TOP1: variants seen among roughly 807,000 people sequenced by gnomAD.
The protein encoded by TOP1 is DNA topoisomerase I.
In TOP1, 10 loss-of-function variants were observed where a neutral mutation model predicts 111.1. The observed-to-expected ratio is 0.09, with a 90% CI of 0.06 to 0.15. The LOEUF (loss-of-function observed/expected upper bound fraction) is 0.15. Ranked by LOEUF, TOP1 falls within the 10% of genes least tolerant of loss-of-function variation. TOP1 has a pLI of 1.00. For missense variants in TOP1, 474 were observed against 926.7 expected (o/e 0.51, Z 6.34); for synonymous variants, 271 against 302.9 (o/e 0.89, Z 1.10).
intron 8 of TOP1, among the ~76,000 whole-genome samples, chr20:41,090,435 T>A (rs1006382366): frequency 6.6e-6 from 1 of 152,220 alleles, no homozygotes; most frequent in African/African-American, 2.4e-5. Flanking sequence ...TTTCTCCTAT[T>A]CTGTGAGTTG....
At chr20:41,053,512 T>C (rs1297450936) in intron 2 of TOP1, among the ~76,000 whole-genome samples, 2 of 152,200 alleles carry the variant, frequency 1.3e-5, no homozygotes, top group African/African-American at 4.8e-5. Flanking sequence ...CTTACTGCGC[T>C]TACTGAAAAA....
At position 41,118,738 on chromosome 20, in the gene TOP1, T is replaced by C. The variant is rs1183095842; in HGVS notation, c.1950+442T>C. On this transcript the variant is annotated intron_variant, in intron 18 of 20. Coordinates refer to ENST00000361337, the MANE Select transcript of TOP1 (RefSeq NM_003286.4). This position sits in a 1 kb window ranked among gnomAD's most constrained non-coding sequence, Gnocchi z 4.6. Reference sequence around the variant, plus strand: ...AGTCTTTCAAATCCTAGCATAGCTATTTTTATTTTTACGCATTCCACATGA... The same window carrying C: ...AGTCTTTCAAATCCTAGCATAGCTACTTTTATTTTTACGCATTCCACATGA... 1.3e-5 allele frequency among the ~76,000 whole-genome samples: 2 copies of C among 152,234 alleles called. No individual in the cohort carries two copies. Among genetic ancestry groups the C allele is most frequent in the African/African-American group, 4.8e-5 (2 of 41,458 alleles).
In TOP1 at chr20:41,100,232, C is replaced by A; in HGVS notation, c.1152C>A (p.Ile384=). Residue 384 remains isoleucine, a synonymous_variant, in exon 12 of 21, where the codon ATC becomes ATA. Transcript: ENST00000361337. The surrounding 1 kb of genome is among the most constrained non-coding windows in gnomAD (Gnocchi z 4.4). The stretch of plus-strand genomic sequence containing the variant: ...GAATCATGCCCGAGGATATAATCAT[C>A]AACTGTAGCAAGTGAGCTCGCACTT... ...KRRIMPEDII[I]NCSKDAKVPS... The A allele has an allele frequency of 6.2e-7, 1 of 1,613,126 alleles. No homozygotes were observed.
At chr20:41,068,551 C>T (rs567466837) in intron 3 of TOP1, among the ~76,000 whole-genome samples, 1 of 152,130 alleles carries the variant, frequency 6.6e-6, no homozygotes, top group Non-Finnish European at 1.5e-5. Flanking sequence ...TAGGCATGCA[C>T]CACCATGCTT....
rs529429378 is a variant in TOP1 at position 41,073,550 on chromosome 20, T to C, written c.156-2621T>C. 1.5e-5 allele frequency: 13 copies of C among 859,950 alleles called. No individual in the cohort carries two copies. In the African/African-American group the frequency reaches 2.0e-4, roughly 13 times the overall value. The allele number at this position is 859,950 out of a possible 1,614,324, so 53.3% of individuals were successfully genotyped here. The stretch of plus-strand genomic sequence containing the variant: ...CACCATGGCTGTTTCTTAACACCAG[T>C]ATACCTTAAGCAGTAGGTATCAATT... On this transcript the variant is annotated intron_variant, in intron 3 of 20. Coordinates refer to ENST00000361337, the MANE Select transcript of TOP1 (RefSeq NM_003286.4).
chr20:41,079,927 T>C lies in TOP1; in HGVS notation c.336-158T>C, dbSNP rs1000236391. On this transcript the variant is annotated intron_variant, in intron 5 of 20. Coordinates refer to ENST00000361337, the MANE Select transcript of TOP1 (RefSeq NM_003286.4). This position sits in a 1 kb window ranked among gnomAD's most constrained non-coding sequence, Gnocchi z 4.0. ...GACAAATACTATCTACTTCACAGGA[T>C]TGAAGTGAGAAAAAGTGCTCACAGA... Among the ~76,000 whole-genome samples, 4 of 152,230 alleles carry C rather than the reference T, an allele frequency of 2.6e-5. No homozygotes were observed. The highest frequency in any genetic ancestry group is 9.6e-5 in the African/African-American group (4 of 41,454).
At chr20:41,072,529 C>A in intron 3 of TOP1, 1 of 985,450 alleles carries the variant, frequency 1.0e-6, no homozygotes, top group Non-Finnish European at 1.2e-6. Context: ...ACTTTCCTGG[C>A]ACAGCCCTGG....
chr20:41,033,602 T>C (rs770735363), intron 2 of TOP1, among the ~76,000 whole-genome samples: 8 of 152,198 alleles, frequency 5.3e-5, no homozygotes, highest in Non-Finnish European at 1.2e-4. Flanking sequence ...ATTAATTATA[T>C]AGTAACAGTT....
chr20:41,043,837 C>T (rs2033298706), intron 2 of TOP1, among the ~76,000 whole-genome samples: 1 of 152,170 alleles, frequency 6.6e-6, no homozygotes, highest in Non-Finnish European at 1.5e-5. Flanking sequence ...ATGGGCCTGC[C>T]CTAATTGAGC....
rs966801982 is a variant in TOP1, at chr20:41,067,935, T to G, written c.155+6445T>G. On this transcript the variant is annotated intron_variant, in intron 3 of 20. Transcript: ENST00000361337. The surrounding 1 kb of genome is among the most constrained non-coding windows in gnomAD (Gnocchi z 4.0). ...GTATTAAGAATCATTTCATCTTGTC[T>G]TCTCTTTGTGTGGACAGGAGTCTGA... is the stretch of plus-strand genomic sequence containing the variant. Among the ~76,000 whole-genome samples, 6 of 152,248 alleles carry G rather than the reference T, an allele frequency of 3.9e-5. No individual in the cohort carries two copies. Among genetic ancestry groups the G allele is most frequent in the African/African-American group, 1.4e-4 (6 of 41,462 alleles).
chr20:41,059,409 A>AAAAT (rs55866021), intron 2 of TOP1, among the ~76,000 whole-genome samples: 30,430 of 137,846 alleles, frequency 0.22, 3,565 homozygotes, highest in African/African-American at 0.24. Flanking sequence ...AAACTGCTAG[A>AAAAT]AAATAAATAA....
intron 2 of TOP1, among the ~76,000 whole-genome samples, chr20:41,031,757 T>C (rs551841524): frequency 6.6e-6 from 1 of 152,206 alleles, no homozygotes; most frequent in East Asian, 1.9e-4. Flanking sequence ...TCCCATGAGC[T>C]GAGCCACTAT....
In TOP1 at chr20:41,109,638, TA is replaced by T. The variant is rs2034202964; in HGVS notation, c.1309-3139del. Among the ~76,000 whole-genome samples, 1 of 152,046 alleles carries T rather than the reference TA, an allele frequency of 6.6e-6. No individual in the cohort carries two copies. The highest frequency in any genetic ancestry group is 1.5e-5 in the Non-Finnish European group (1 of 67,978). On this transcript the variant is annotated intron_variant, in intron 13 of 20. Transcript: ENST00000361337. This position sits in a 1 kb window ranked among gnomAD's most constrained non-coding sequence, Gnocchi z 4.1. ...AAAAACAGACATCCCATCCGCATAA[TA>T]AAAAGAGCAAAAGACTTGAACATAT...
chr20:41,122,045 G>C lies in TOP1; in HGVS notation c.2085G>C (p.Glu695Asp). Reference protein sequence around the residue: ...ESKKKAVQRLEEQLMKLEVQA... With the variant: ...ESKKKAVQRLDEQLMKLEVQA... The stretch of plus-strand genomic sequence containing the variant: ...AGAAGAAGGCTGTTCAGAGACTGGA[G>C]GAACAGTTGATGAAGCTGGAAGTTC... The change falls in exon 20 of 21, where the codon GAG becomes GAC. Residue 695 changes from glutamate (E) to aspartate (D), a missense_variant. Glu to Asp is a conservative substitution (Grantham distance 45). Around this residue, in one of 14 missense-constraint regions of TOP1, gnomAD observed 36 missense variants for 42.3 expected, o/e 0.85. Transcript: ENST00000361337. This position sits in a 1 kb window ranked among gnomAD's most constrained non-coding sequence, Gnocchi z 5.4. The C allele has an allele frequency of 1.2e-6, 2 of 1,614,044 alleles. No homozygotes were observed.
intron 11 of TOP1, among the ~76,000 whole-genome samples, chr20:41,099,153 A>T (rs1172646606): frequency 6.6e-6 from 1 of 152,212 alleles, no homozygotes; most frequent in African/African-American, 2.4e-5. Flanking sequence ...AATTCAGACC[A>T]TTGTATTGAT....
At position 41,052,127 on chromosome 20, in the gene TOP1, T is replaced by C. The variant is rs114264143; in HGVS notation, c.59-9267T>C. Among the ~76,000 whole-genome samples the C allele has an allele frequency of 3.6e-3, 545 of 152,296 alleles. 5 individuals are homozygous for C. The highest frequency in any genetic ancestry group is 0.013 in the African/African-American group (522 of 41,566). On this transcript the variant is annotated intron_variant, in intron 2 of 20. Coordinates refer to ENST00000361337, the MANE Select transcript of TOP1 (RefSeq NM_003286.4). ...AGATTTGAAGCTCTTTACCACTGAT[T>C]TATGCTACCTTCTCATAGATCTAGT... is the stretch of plus-strand genomic sequence containing the variant.
intron 13 of TOP1, among the ~76,000 whole-genome samples, chr20:41,108,555 C>G (rs1332999497): frequency 6.6e-6 from 1 of 152,154 alleles, no homozygotes; most frequent in African/African-American, 2.4e-5. Flanking sequence ...AACACTTGCT[C>G]TAGGTACTGA....
At chr20:41,033,747 CATT>C (rs907028677) in intron 2 of TOP1, among the ~76,000 whole-genome samples, 2 of 152,154 alleles carry the variant, frequency 1.3e-5, no homozygotes, top group African/African-American at 4.8e-5. Flanking sequence ...TATGACACAT[CATT>C]ATCAACTTTT....
In TOP1 at chr20:41,029,056, C is replaced by A; in HGVS notation, c.-12C>A. 6.5e-7 allele frequency: 1 copy of A among 1,547,720 alleles called. No individual in the cohort carries two copies. The highest frequency in any genetic ancestry group is 8.7e-7 in the Non-Finnish European group (1 of 1,150,954). On this transcript the variant is annotated 5_prime_UTR_variant, in exon 1 of 21. Coordinates refer to ENST00000361337, the MANE Select transcript of TOP1 (RefSeq NM_003286.4). The surrounding 1 kb of genome is among the most constrained non-coding windows in gnomAD (Gnocchi z 6.1). ...GCCTCGCCTGCCGCCGCGCTCGTCC[C>A]TCCGGGCCGACATGAGTGGGGACCA... is the stretch of plus-strand genomic sequence containing the variant.
Sources: gnomAD v4.1 joint callset for allele counts (sites outside exome capture counted in the v4.1 genomes callset) on GRCh38, gnomAD v4.1.1 for gene constraint, gnomAD v4.1.1 regional missense constraint, Gnocchi (gnomAD v3.1) non-coding constraint, MANE v1.5 for transcripts, NCBI Gene and HGNC (gene_info 2026-07-23, HGNC 2026-07-21) for gene names.